The following NTRK2 variants were observed in gnomAD, a reference collection of about 807,000 sequenced individuals.
NTRK2 encodes BDNF/NT-3 growth factors receptor.
Under a neutral mutation model 94.5 loss-of-function variants are expected in NTRK2, and 13 were observed. The observed-to-expected ratio is 0.14, with a 90% CI of 0.09 to 0.22. The LOEUF (loss-of-function observed/expected upper bound fraction) is 0.22, where lower values mean the gene tolerates loss of function less well. Ranked by LOEUF, NTRK2 falls within the 10% of genes least tolerant of loss-of-function variation. The pLI, the probability that NTRK2 is intolerant of heterozygous loss-of-function variation, is 1.00. For synonymous variants in NTRK2, 372 were observed against 407.4 expected (o/e 0.91, Z 1.05); for missense variants, 639 against 1,071.2 (o/e 0.60, Z 5.63).
chr9:84,975,580 A>T (rs183500711), intron 17 of NTRK2, among the ~76,000 whole-genome samples: 5 of 152,274 alleles, frequency 3.3e-5, no homozygotes, highest in Admixed American at 2.0e-4. Context: ...ACTTGCAATG[A>T]CTTGGGTGAC....
chr9:84,776,192 T>C (rs922109001), intron 12 of NTRK2, among the ~76,000 whole-genome samples: 11 of 151,546 alleles, frequency 7.3e-5, no homozygotes, highest in African/African-American at 2.4e-4. Context: ...TAAATATAGA[T>C]ACAGACTGTT....
intron 17 of NTRK2, among the ~76,000 whole-genome samples, 195 bp from the exon 18 acceptor site, chr9:85,020,011 A>T (rs1404390976): frequency 6.6e-6 from 1 of 152,202 alleles, no homozygotes; most frequent in Non-Finnish European, 1.5e-5. Context: ...ATATTTTTTT[A>T]AATGATTTTG....
At chr9:84,996,645 G>A (rs1253293684) in intron 17 of NTRK2, among the ~76,000 whole-genome samples, 1 of 152,216 alleles carries the variant, frequency 6.6e-6, no homozygotes, top group African/African-American at 2.4e-5. Context: ...CCTGCATTCA[G>A]AGTCAGAGTG....
intron 17 of NTRK2, among the ~76,000 whole-genome samples, chr9:84,984,238 T>C (rs1275666174): frequency 6.6e-6 from 1 of 152,018 alleles, no homozygotes; most frequent in Non-Finnish European, 1.5e-5. Context: ...TTTGGGAGAC[T>C]CAGATGGGCA....
At chr9:84,777,541 G>T (rs745346606) in intron 12 of NTRK2, among the ~76,000 whole-genome samples, 1 of 152,128 alleles carries the variant, frequency 6.6e-6, no homozygotes. Context: ...GAACAAGAGA[G>T]TTTGGAGAAG....
chr9:84,796,023 A>G (rs1359969036), intron 12 of NTRK2, among the ~76,000 whole-genome samples: 1 of 150,706 alleles, frequency 6.6e-6, no homozygotes, highest in Non-Finnish European at 1.5e-5. Context: ...CCTGCTCCCT[A>G]TCTCACAGAA....
chr9:84,882,790 C>A (rs562559159), intron 14 of NTRK2, among the ~76,000 whole-genome samples: 1 of 151,894 alleles, frequency 6.6e-6, no homozygotes, highest in East Asian at 1.9e-4. Context: ...TTTTCCGAGT[C>A]GGAGTTTTCG....
chr9:84,864,655 C>G lies in NTRK2; in HGVS notation c.1445-2588C>G, dbSNP rs190780309. Among the ~76,000 whole-genome samples the G allele has an allele frequency of 2.6e-3, 386 of 151,338 alleles. 6 individuals are homozygous for G. Among genetic ancestry groups the G allele is most frequent in the Admixed American group, 0.023 (343 of 15,176 alleles). On this transcript the variant is annotated intron_variant, in intron 13 of 18. Coordinates refer to ENST00000277120, the MANE Select transcript of NTRK2 (RefSeq NM_006180.6). ...ATCTTGCAGGAGGGAACAGCCATGCCGGGAACCAAGGAAGGGAGTCAGTGG... is the reference window on the plus strand; with the variant it reads ...ATCTTGCAGGAGGGAACAGCCATGCGGGGAACCAAGGAAGGGAGTCAGTGG...
intron 12 of NTRK2, among the ~76,000 whole-genome samples, chr9:84,775,571 G>A (rs2066951856): frequency 6.6e-6 from 1 of 152,032 alleles, no homozygotes; most frequent in Admixed American, 6.6e-5. Flanking sequence ...AATAGAATGT[G>A]TATATAATTT....
intron 14 of NTRK2, 100 bp downstream of exon 14, chr9:84,867,531 G>C (rs1564407659): frequency 2.0e-6 from 2 of 1,013,662 alleles, no homozygotes; most frequent in Non-Finnish European, 3.2e-6. Flanking sequence ...GCGGGGAACA[G>C]GGTGCAGTGA....
chr9:84,773,205 G>C (rs1276092261), intron 12 of NTRK2, among the ~76,000 whole-genome samples: 2 of 152,206 alleles, frequency 1.3e-5, no homozygotes, highest in African/African-American at 4.8e-5. Context: ...GCTTGCATGG[G>C]CATGCTTGTT....
intron 4 of NTRK2, among the ~76,000 whole-genome samples, chr9:84,704,207 G>A (rs141449116): frequency 3.3e-5 from 5 of 150,154 alleles, no homozygotes; most frequent in South Asian, 2.1e-4. Context: ...GATATATGAC[G>A]GTGATTTTGG....
intron 17 of NTRK2, among the ~76,000 whole-genome samples, chr9:84,977,787 A>G (rs1416509690): frequency 1.3e-5 from 2 of 152,216 alleles, no homozygotes. Flanking sequence ...AGGTATCAAG[A>G]AAGCCTATCA....
intron 13 of NTRK2, among the ~76,000 whole-genome samples, chr9:84,862,720 T>TG (rs763156981): frequency 8.6e-5 from 13 of 152,036 alleles, no homozygotes; most frequent in Non-Finnish European, 1.5e-4. Flanking sequence ...CAGAGCCACG[T>TG]GGGGAAGTGC....
chr9:84,985,271 C>G (rs1185696859), intron 17 of NTRK2, among the ~76,000 whole-genome samples: 1 of 152,160 alleles, frequency 6.6e-6, no homozygotes, highest in Non-Finnish European at 1.5e-5. Context: ...ATTTGTATCT[C>G]AATTTGAAGG....
At chr9:84,889,083 C>T (rs1232081954) in intron 14 of NTRK2, among the ~76,000 whole-genome samples, 2 of 145,110 alleles carry the variant, frequency 1.4e-5, no homozygotes, top group Non-Finnish European at 3.0e-5. Context: ...CTCCGCCTCC[C>T]GGGTTCACGC....
rs2131275775 is a variant in NTRK2, at chr9:84,671,468, T to C, written c.212+508T>C. ...TTAACCAATTTCCCTTTTCATTTTA[T>C]ATATCGGATTTTGCTTAGGAGATGG... On this transcript the variant is annotated intron_variant, in intron 2 of 18. Coordinates refer to ENST00000277120, the MANE Select transcript of NTRK2 (RefSeq NM_006180.6). Among the ~76,000 whole-genome samples the C allele has an allele frequency of 2.0e-5, 3 of 152,332 alleles. No individual in the cohort carries two copies. In the South Asian group the frequency reaches 6.2e-4, roughly 32 times the overall value.
At chr9:85,003,766 C>T (rs1830574794) in intron 17 of NTRK2, among the ~76,000 whole-genome samples, 1 of 151,530 alleles carries the variant, frequency 6.6e-6, no homozygotes, top group African/African-American at 2.4e-5. Context: ...TGTGAGGATC[C>T]GGGCAAAAGA....
intron 17 of NTRK2, among the ~76,000 whole-genome samples, chr9:85,004,047 G>GAAAGAA (rs1564542231): frequency 5.0e-5 from 2 of 39,780 alleles, no homozygotes; most frequent in Non-Finnish European, 1.1e-4. Flanking sequence ...GAAAGAAAGG[G>GAAAGAA]AGAAAGAGAA....
Sources: allele counts gnomAD v4.1 joint callset (sites outside exome capture counted in the v4.1 genomes callset), GRCh38; gene constraint gnomAD v4.1.1; transcripts MANE v1.5; gene names NCBI Gene and HGNC (gene_info 2026-07-23, HGNC 2026-07-21).